The following CNTNAP3 variants were observed in gnomAD, a reference collection of about 807,000 sequenced individuals.
CNTNAP3 encodes contactin-associated protein-like 3.
In CNTNAP3, 36 loss-of-function variants were observed where a neutral mutation model predicts 92.1. The ratio of observed to expected loss-of-function variants is 0.39; its 90% CI spans 0.30 to 0.52. The LOEUF is 0.52. CNTNAP3 is among the 20% of genes least tolerant of loss of function. The pLI, the probability that CNTNAP3 is intolerant of heterozygous loss-of-function variation, is 0.76. For synonymous variants in CNTNAP3, 232 were observed against 422.3 expected (o/e 0.55, Z 5.53); for missense variants, 534 against 1,069.6 (o/e 0.50, Z 6.98).
intron 17 of CNTNAP3, among the ~76,000 whole-genome samples, chr9:39,101,918 C>T (rs1247194039): frequency 6.6e-6 from 1 of 152,310 alleles, no homozygotes; most frequent in Non-Finnish European, 1.5e-5. Flanking sequence ...TAGCTGGTTA[C>T]TCCACTTCTC....
chr9:39,106,974 T>C (rs1242632289), intron 15 of CNTNAP3, among the ~76,000 whole-genome samples: 1 of 152,048 alleles, frequency 6.6e-6, no homozygotes, highest in Non-Finnish European at 1.5e-5. Flanking sequence ...TCCCTTGAGC[T>C]CTTAGATTAT....
intron 13 of CNTNAP3, among the ~76,000 whole-genome samples, chr9:39,122,281 G>A (rs1821046900): frequency 6.6e-6 from 1 of 152,254 alleles, no homozygotes; most frequent in Admixed American, 6.5e-5. Context: ...CGTGAACCCA[G>A]GAGGCGGAGC....
intron 15 of CNTNAP3, 114 bp downstream of exon 15, chr9:39,109,046 C>A: frequency 6.9e-7 from 1 of 1,450,730 alleles, no homozygotes; most frequent in Non-Finnish European, 9.1e-7. Flanking sequence ...GATATTCGCC[C>A]CAGTCCTAGT....
chr9:39,086,504 T>C (rs1215215259), intron 20 of CNTNAP3: 12 of 677,838 alleles, frequency 1.8e-5, no homozygotes, highest in African/African-American at 3.7e-5. Context: ...TTTGACAGAA[T>C]TGCATTGCTA....
chr9:39,071,336 T>G lies in CNTNAP3; in HGVS notation c.*2554A>C, dbSNP rs528547369. The stretch of plus-strand genomic sequence containing the variant: ...ATGACTTTTAGTAAACAATGAAGAT[T>G]TACAGTGATTTCCTAAGGTGAATTT... On this transcript the variant is annotated 3_prime_UTR_variant, in exon 24 of 24. Coordinates refer to ENST00000297668, the MANE Select transcript of CNTNAP3 (RefSeq NM_033655.5). Among the ~76,000 whole-genome samples the G allele has an allele frequency of 1.9e-4, 28 of 151,288 alleles. No homozygotes were observed. Among genetic ancestry groups the G allele is most frequent in the Non-Finnish European group, 3.7e-4 (25 of 67,890 alleles).
At chr9:39,098,086 T>C (rs1191540982) in intron 18 of CNTNAP3, among the ~76,000 whole-genome samples, 72 of 147,458 alleles carry the variant, frequency 4.9e-4, no homozygotes, top group African/African-American at 1.5e-3. Flanking sequence ...CAACCCTCCT[T>C]CAAGGTCAGA....
intron 12 of CNTNAP3, 79 bp from the exon 13 acceptor site, chr9:39,133,214 A>T: frequency 6.8e-7 from 1 of 1,463,282 alleles, no homozygotes; most frequent in East Asian, 2.5e-5. Context: ...CCTGTCTTTT[A>T]TGTGAATTAA....
At chr9:39,113,777 T>C (rs950936898) in intron 14 of CNTNAP3, among the ~76,000 whole-genome samples, 2 of 151,482 alleles carry the variant, frequency 1.3e-5, no homozygotes, top group Non-Finnish European at 2.9e-5. Context: ...AACAATAATG[T>C]ATAATACATT....
intron 14 of CNTNAP3, among the ~76,000 whole-genome samples, chr9:39,115,361 C>G (rs561184861): frequency 0.012 from 1,855 of 151,760 alleles, 42 homozygotes; most frequent in African/African-American, 0.041. Flanking sequence ...ATGTCTACAC[C>G]TTAATCTAAA....
In CNTNAP3 at chr9:39,128,966, G is replaced by T. The variant is rs565800508; in HGVS notation, c.2080+3966C>A. Among the ~76,000 whole-genome samples the T allele has an allele frequency of 9.2e-5, 14 of 151,990 alleles. No individual in the cohort carries two copies. The East Asian group carries it at 2.5e-3, about 27-fold the overall frequency. On this transcript the variant is annotated intron_variant, in intron 13 of 23. Transcript: ENST00000297668. ...AAAACATATAATCTCTGGATGCTAA[G>T]AATTACAAAATGCTGAGGCAAGAAA...
intron 13 of CNTNAP3, among the ~76,000 whole-genome samples, chr9:39,129,686 T>A (rs200548833): frequency 4.1e-4 from 59 of 142,316 alleles, no homozygotes; most frequent in Non-Finnish European, 3.8e-4. Context: ...TAAGAGTCGA[T>A]GAATAGGCAA....
At chr9:39,076,003 C>T (rs1825751879) in intron 23 of CNTNAP3, among the ~76,000 whole-genome samples, 3 of 152,298 alleles carry the variant, frequency 2.0e-5, no homozygotes, top group Admixed American at 1.3e-4. Flanking sequence ...CAGCCAGTCC[C>T]TATTAGAAAA....
intron 9 of CNTNAP3, among the ~76,000 whole-genome samples, chr9:39,152,897 A>T (rs1300518306): frequency 9.6e-6 from 1 of 104,388 alleles, no homozygotes; most frequent in Non-Finnish European, 1.8e-5. Flanking sequence ...TGATCTCCTG[A>T]CCTCGTGATC....
intron 21 of CNTNAP3, among the ~76,000 whole-genome samples, chr9:39,081,422 C>T (rs1294882049): frequency 1.3e-5 from 2 of 151,266 alleles, no homozygotes; most frequent in Admixed American, 6.6e-5. Context: ...CGGGGTCCTG[C>T]ACCCAGCCCC....
chr9:39,138,185 T>C (rs1179578401), intron 12 of CNTNAP3, among the ~76,000 whole-genome samples: 1 of 152,152 alleles, frequency 6.6e-6, no homozygotes, highest in Non-Finnish European at 1.5e-5. Flanking sequence ...GCTGAAATTT[T>C]TTCTTGATAA....
rs561123977 is a variant in CNTNAP3, at chr9:39,126,950, A to G, written c.2080+5982T>C. 3.3e-5 allele frequency among the ~76,000 whole-genome samples: 5 copies of G among 151,726 alleles called. No individual in the cohort carries two copies. The East Asian group carries it at 9.7e-4, about 29-fold the overall frequency. On this transcript the variant is annotated intron_variant, in intron 13 of 23. Transcript: ENST00000297668. ...GAATACTCCACTTAAGAATAGCAGA[A>G]TATACATTTTTTTTTCAAATGCCGA...
chr9:39,142,030 C>T (rs1025909474), intron 11 of CNTNAP3, among the ~76,000 whole-genome samples: 2 of 152,112 alleles, frequency 1.3e-5, no homozygotes, highest in Non-Finnish European at 2.9e-5. Context: ...CAAATTTCTA[C>T]CTATAGCCGT....
At chr9:39,075,549 C>G (rs2118362472) in intron 23 of CNTNAP3, among the ~76,000 whole-genome samples, 1 of 152,284 alleles carries the variant, frequency 6.6e-6, no homozygotes, top group East Asian at 1.9e-4. Context: ...AGGAAGAGCT[C>G]TCTAGATCCT....
In CNTNAP3 at chr9:39,135,103, A is replaced by G. The variant is rs192449911; in HGVS notation, c.1877-1968T>C. ...CATTATAGGCTATGCATTTGTGTTTATAAAATTCCACTTGACTCACTTCTC... is the reference window on the plus strand; with the variant it reads ...CATTATAGGCTATGCATTTGTGTTTGTAAAATTCCACTTGACTCACTTCTC... On this transcript the variant is annotated intron_variant, in intron 12 of 23. Transcript: ENST00000297668. Among the ~76,000 whole-genome samples, 379 of 152,308 alleles carry G rather than the reference A, an allele frequency of 2.5e-3. 3 individuals carry two copies. The highest frequency in any genetic ancestry group is 8.6e-3 in the African/African-American group (358 of 41,562).
Sources: allele counts gnomAD v4.1 joint callset (sites outside exome capture counted in the v4.1 genomes callset), GRCh38; gene constraint gnomAD v4.1.1; transcripts MANE v1.5; gene names NCBI Gene and HGNC (gene_info 2026-07-23, HGNC 2026-07-21).